Variants in ST8SIA3 observed in about 807,000 individuals in gnomAD.
ST8SIA3 encodes ST8 alpha-N-acetyl-neuraminide alpha-2,8-sialyltransferase 3.
ST8SIA3 carries 17 observed loss-of-function variants against 34.5 expected under a neutral mutation model. The ratio of observed to expected loss-of-function variants is 0.49; its 90% CI spans 0.34 to 0.74. The LOEUF (loss-of-function observed/expected upper bound fraction) is 0.74, where lower values mean the gene tolerates loss of function less well. ST8SIA3 is among the 30% of genes least tolerant of loss of function. ST8SIA3 has a pLI of 0.01. For missense variants in ST8SIA3, 354 were observed against 467.8 expected (o/e 0.76, Z 2.24); for synonymous variants, 172 against 176.1 (o/e 0.98, Z 0.19).
rs948768977 is a variant in ST8SIA3 at position 57,354,544 on chromosome 18, T to A, written c.302+20T>A. The A allele has an allele frequency of 1.2e-6, 2 of 1,612,928 alleles. No homozygotes were observed. The highest frequency in any genetic ancestry group is 4.5e-5 in the East Asian group (2 of 44,866). ...TCAAAGGTAGGATAGGAGGAAAAGA[T>A]CCAAAAGGTGCTTTTAAGAATTCAA... On this transcript the variant is annotated intron_variant, in intron 2 of 3. Transcript: ENST00000324000.
In ST8SIA3 at chr18:57,365,905, G is replaced by A. The variant is rs747877134; in HGVS notation, c.*5628G>A. ...AAAGGGTTCCTTTGATTTTCCTTCT[G>A]TGTGATTCTCAGACAGTTTTAGCTC... On this transcript the variant is annotated 3_prime_UTR_variant, in exon 4 of 4. Transcript: ENST00000324000. The A allele has an allele frequency of 6.6e-6, 1 of 152,170 alleles. No individual in the cohort carries two copies. Among genetic ancestry groups the A allele is most frequent in the Non-Finnish European group, 1.5e-5 (1 of 68,042 alleles). 9.4% of individuals were successfully genotyped at this position (152,170 alleles called of 1,614,324 possible). A position where few individuals can be genotyped will look rare whatever the true frequency, so the allele number is the denominator to read the frequency against.
chr18:57,353,135 CAGATAA>C, intron 1 of ST8SIA3, 110 bp downstream of exon 1: 1 of 1,049,808 alleles, frequency 9.5e-7, no homozygotes, highest in Admixed American at 2.1e-5. Context: ...CTCTTTGGGC[CAGATAA>C]CTGCGCGGTC....
At chr18:57,359,670 C>G (rs2049818571) in intron 3 of ST8SIA3, among the ~76,000 whole-genome samples, 2 of 152,152 alleles carry the variant, frequency 1.3e-5, no homozygotes, top group Admixed American at 1.3e-4. Flanking sequence ...CTTCAAAGGC[C>G]AGCTTCAAAG....
chr18:57,354,357 C>T (rs75949411), intron 1 of ST8SIA3, 45 bp from the exon 2 acceptor site: 16,244 of 1,610,400 alleles, frequency 0.01, 607 homozygotes, highest in African/African-American at 0.088. Flanking sequence ...TCGGCTTCCC[C>T]GAGCTGAGGC....
rs541694334 is a variant in ST8SIA3, at chr18:57,352,861, A to C, written c.15A>C (p.Lys5Asn). Residue 5 changes from lysine (K) to asparagine (N), a missense_variant, in exon 1 of 4, where the codon AAA (lysine) becomes AAC (asparagine). By Grantham distance (94) the Lys-to-Asn change is moderately conservative (BLOSUM62 0). This residue lies in a region of ST8SIA3 where 184 missense variants were observed against 205.4 expected (regional missense o/e 0.90). Coordinates refer to ENST00000324000, the MANE Select transcript of ST8SIA3 (RefSeq NM_015879.3). ...CCCAGCCCGGGATGAGAAACTGCAA[A>C]ATGGCCCGGGTCGCCAGTGTGCTGG... is the stretch of plus-strand genomic sequence containing the variant. MRNC[K>N]MARVASVLGL... The C allele has an allele frequency of 6.2e-7, 1 of 1,613,454 alleles. No individual in the cohort carries two copies.
rs2049805416 is a variant in ST8SIA3 at position 57,357,416 on chromosome 18, G to T, written c.806G>T (p.Gly269Val). The change falls in exon 3 of 4, where the codon GGT becomes GTT. Residue 269 changes from glycine (G) to valine (V), a missense_variant. Transcript: ENST00000324000. Reference protein sequence around the residue: ...TLVDFFVEHRGQLKVQLAWPG... With the variant: ...TLVDFFVEHRVQLKVQLAWPG... ...GTTGACTTTTTTGTTGAACACAGAG[G>T]TCAGTTAAAAGTCCAACTGGCTTGG... 2 of 1,612,726 alleles carry T rather than the reference G, an allele frequency of 1.2e-6. No homozygotes were observed. Among genetic ancestry groups the T allele is most frequent in the African/African-American group, 1.3e-5 (1 of 74,904 alleles).
intron 2 of ST8SIA3, among the ~76,000 whole-genome samples, chr18:57,355,411 G>T (rs1272997978): frequency 1.3e-5 from 2 of 151,916 alleles, no homozygotes; most frequent in Non-Finnish European, 2.9e-5. Flanking sequence ...TCTAGTTATT[G>T]CTCTCTCTCT....
rs1392253419 is a variant in ST8SIA3 at position 57,362,237 on chromosome 18, CTG to C, written c.*1963_*1964del. ...AGAGGACTGTACTACCATCCTCACA[CTG>C]TGCTCTGTTGGGATCACTGAGAGAT... is the stretch of plus-strand genomic sequence containing the variant. On this transcript the variant is annotated 3_prime_UTR_variant, in exon 4 of 4. Coordinates refer to ENST00000324000, the MANE Select transcript of ST8SIA3 (RefSeq NM_015879.3). 6.6e-6 allele frequency: 1 copy of C among 152,218 alleles called. No individual in the cohort carries two copies. The highest frequency in any genetic ancestry group is 1.9e-4 in the East Asian group (1 of 5,200). 9.4% of individuals were successfully genotyped at this position (152,218 alleles called of 1,614,324 possible).
In ST8SIA3 at chr18:57,352,978, C is replaced by T. The variant is rs754642976; in HGVS notation, c.132C>T (p.Tyr44=). The change falls in exon 1 of 4, where the codon TAC becomes TAT. Residue 44 remains tyrosine (Y), a synonymous_variant. Transcript: ENST00000324000. The stretch of plus-strand genomic sequence containing the variant: ...AGAACATCTTCACCACTCCCAAGTA[C>T]GCCAGCCCGGGGGCGCCCCGAATGT... ...KKENIFTTPK[Y]ASPGAPRMYM... The T allele has an allele frequency of 1.2e-6, 2 of 1,612,488 alleles. No homozygotes were observed. Among genetic ancestry groups the T allele is most frequent in the Non-Finnish European group, 1.7e-6 (2 of 1,179,956 alleles).
Position 57,360,359 on chromosome 18 carries a change from A to T in ST8SIA3, c.*82A>T, listed in dbSNP as rs1252706778. On this transcript the variant is annotated 3_prime_UTR_variant, in exon 4 of 4. Transcript: ENST00000324000. ...AATAGCCTTCAGAATAGAACCCTAG[A>T]GAATGTCTTATAAGGATTGTCTGCC... 2.3e-6 allele frequency: 3 copies of T among 1,316,422 alleles called. No homozygotes were observed. The Admixed American group carries it at 7.0e-5, about 31-fold the overall frequency. 81.5% of individuals were successfully genotyped at this position (1,316,422 alleles called of 1,614,324 possible).
Position 57,352,732 on chromosome 18 carries a change from TCA to T in ST8SIA3, c.-78_-77del, listed in dbSNP as rs59006823. 0.04 allele frequency: 15,540 copies of T among 388,180 alleles called. 99 individuals carry two copies. The highest frequency in any genetic ancestry group is 0.06 in the Middle Eastern group (107 of 1,798). The allele number at this position is 388,180 out of a possible 1,614,324, so 24.0% of individuals were successfully genotyped here. On this transcript the variant is annotated 5_prime_UTR_variant, in exon 1 of 4. Transcript: ENST00000324000. ...CCTCCTCCGCCACACGCGCGCGCGC[TCA>T]CACACACACACACACACACACACAC...
In ST8SIA3 at chr18:57,352,609, C is replaced by T; in HGVS notation, c.-238C>T. 1.9e-6 allele frequency: 1 copy of T among 524,212 alleles called. No homozygotes were observed. Among genetic ancestry groups the T allele is most frequent in the South Asian group, 1.8e-5 (1 of 54,718 alleles). The allele number at this position is 524,212 out of a possible 1,614,324, so 32.5% of individuals were successfully genotyped here. A position where few individuals can be genotyped will look rare whatever the true frequency, so the allele number is the denominator to read the frequency against. On this transcript the variant is annotated 5_prime_UTR_variant, in exon 1 of 4. Coordinates refer to ENST00000324000, the MANE Select transcript of ST8SIA3 (RefSeq NM_015879.3). The stretch of plus-strand genomic sequence containing the variant: ...CCATCTTCCTGCTCGGCACCGGGCC[C>T]CGCGCGCCCCTGCCTACGGGGTCCC...
chr18:57,356,896 A>AT lies in ST8SIA3; in HGVS notation c.303-14dup. The AT allele has an allele frequency of 6.7e-7, 1 of 1,499,100 alleles. No homozygotes were observed. Among genetic ancestry groups the AT allele is most frequent in the Non-Finnish European group, 9.1e-7 (1 of 1,094,882 alleles). 92.9% of individuals were successfully genotyped at this position (1,499,100 alleles called of 1,614,324 possible). A position where few individuals can be genotyped will look rare whatever the true frequency, so the allele number is the denominator to read the frequency against. On this transcript the variant is annotated splice_polypyrimidine_tract_variant and intron_variant, in intron 2 of 3. Transcript: ENST00000324000. ...CTTCTGAATGGAATGCTTTTCATGA[A>AT]TTTCTTTTTATTTTAGGCAAGAAAT... is the stretch of plus-strand genomic sequence containing the variant.
chr18:57,361,940 C>T lies in ST8SIA3; in HGVS notation c.*1663C>T, dbSNP rs958674803. On this transcript the variant is annotated 3_prime_UTR_variant, in exon 4 of 4. Transcript: ENST00000324000. ...GGTAAGATCATGCCTAAAATTAAAC[C>T]GAATATGGTAAGGAAAGACACTATC... The T allele has an allele frequency of 2.0e-5, 3 of 152,026 alleles. No individual in the cohort carries two copies. Among genetic ancestry groups the T allele is most frequent in the East Asian group, 1.9e-4 (1 of 5,196 alleles). The allele number at this position is 152,026 out of a possible 1,614,324, so 9.4% of individuals were successfully genotyped here. A position where few individuals can be genotyped will look rare whatever the true frequency, so the allele number is the denominator to read the frequency against.
intron 3 of ST8SIA3, among the ~76,000 whole-genome samples, chr18:57,358,968 G>T (rs923039574): frequency 2.6e-5 from 4 of 152,176 alleles, no homozygotes; most frequent in African/African-American, 4.8e-5. Flanking sequence ...GAAGGGGAAA[G>T]GTTCACCTTT....
chr18:57,353,574 C>T (rs1440185188), intron 1 of ST8SIA3, among the ~76,000 whole-genome samples: 2 of 152,336 alleles, frequency 1.3e-5, no homozygotes, highest in Middle Eastern at 3.4e-3. Context: ...CCCTTTCCCC[C>T]GCAGCCACCG....
At position 57,356,932 on chromosome 18, in the gene ST8SIA3, G is replaced by A; in HGVS notation, c.322G>A (p.Val108Ile). The part of the protein sequence containing the change: ...LHQRQEILQH[V>I]DVIKNFSLTK... Reference sequence around the variant, plus strand: ...TTTTAGGCAAGAAATTCTTCAGCATGTCGATGTAATAAAAAATTTTTCTTT... The same window carrying A: ...TTTTAGGCAAGAAATTCTTCAGCATATCGATGTAATAAAAAATTTTTCTTT... Residue 108 changes from valine to isoleucine, a missense_variant, in exon 3 of 4, where the codon GTC becomes ATC. Around this residue, in one of 3 missense-constraint regions of ST8SIA3, gnomAD observed 184 missense variants for 205.4 expected, o/e 0.90. Transcript: ENST00000324000. 3 of 1,598,916 alleles carry A rather than the reference G, an allele frequency of 1.9e-6. No individual in the cohort carries two copies. The highest frequency in any genetic ancestry group is 1.1e-5 in the South Asian group (1 of 88,678).
At chr18:57,356,214 T>A (rs2049796945) in intron 2 of ST8SIA3, among the ~76,000 whole-genome samples, 4 of 152,214 alleles carry the variant, frequency 2.6e-5, no homozygotes. Flanking sequence ...TGCTAGAATA[T>A]GGAAATATTT....
In ST8SIA3 at chr18:57,365,540, T is replaced by A. The variant is rs994829068; in HGVS notation, c.*5263T>A. 2 of 152,214 alleles carry A rather than the reference T, an allele frequency of 1.3e-5. No homozygotes were observed. Among genetic ancestry groups the A allele is most frequent in the Admixed American group, 1.3e-4 (2 of 15,282 alleles). 9.4% of individuals were successfully genotyped at this position (152,214 alleles called of 1,614,324 possible). ...AGGCAGATCTCAGGTCACTCATCTTTAGAATTGGTGAGAATGAGAAACAGG... is the reference window on the plus strand; with the variant it reads ...AGGCAGATCTCAGGTCACTCATCTTAAGAATTGGTGAGAATGAGAAACAGG... On this transcript the variant is annotated 3_prime_UTR_variant, in exon 4 of 4. Transcript: ENST00000324000.
Sources: gnomAD v4.1 joint callset for allele counts (sites outside exome capture counted in the v4.1 genomes callset) on GRCh38, gnomAD v4.1.1 for gene constraint, gnomAD v4.1.1 regional missense constraint, MANE v1.5 for transcripts, NCBI Gene and HGNC (gene_info 2026-07-23, HGNC 2026-07-21) for gene names.